CLDN16: variants seen among roughly 807,000 people sequenced by gnomAD.
CLDN16 encodes the protein claudin 16, also known as claudin-16.
Under a neutral mutation model 24.6 loss-of-function variants are expected in CLDN16, and 13 were observed. The ratio of observed to expected loss-of-function variants is 0.53; its 90% CI spans 0.34 to 0.84. CLDN16 has a LOEUF of 0.84. CLDN16 is among the 40% of genes least tolerant of loss of function. The pLI is 0.01. For synonymous variants in CLDN16, 116 were observed against 106.7 expected, an observed-to-expected ratio of 1.09 and a Z score of -0.54; for missense variants, 298 against 292.7, an observed-to-expected ratio of 1.02 and a Z score of -0.13.
intron 1 of CLDN16, among the ~76,000 whole-genome samples, chr3:190,353,465 A>ACC (rs924846467): frequency 1.3e-5 from 2 of 152,148 alleles, no homozygotes; most frequent in Admixed American, 1.3e-4. Context: ...TAAAGCATGT[A>ACC]CCCCAGGAAT....
intron 1 of CLDN16, among the ~76,000 whole-genome samples, chr3:190,345,371 C>A (rs984081676): frequency 7.2e-5 from 11 of 152,180 alleles, no homozygotes; most frequent in African/African-American, 2.7e-4. Flanking sequence ...CTTCTCCTCC[C>A]TTAGTTACAC....
At chr3:190,338,837 C>A (rs1717367382) in intron 1 of CLDN16, among the ~76,000 whole-genome samples, 1 of 152,186 alleles carries the variant, frequency 6.6e-6, no homozygotes, top group Non-Finnish European at 1.5e-5. Context: ...GTGTGAGTGG[C>A]AGACTTGGAA....
upstream of CLDN16, among the ~76,000 whole-genome samples, chr3:190,385,217 AG>A (rs1718467735): frequency 6.6e-6 from 1 of 152,184 alleles, no homozygotes; most frequent in South Asian, 2.1e-4. Context: ...GTTGAAGCCT[AG>A]GGAGGGTCAG....
At chr3:190,341,331 A>G (rs1717428386) in intron 1 of CLDN16, among the ~76,000 whole-genome samples, 1 of 152,204 alleles carries the variant, frequency 6.6e-6, no homozygotes, top group Non-Finnish European at 1.5e-5. Context: ...TCTGAAATCT[A>G]GGCAGAGGCT....
intron 1 of CLDN16, among the ~76,000 whole-genome samples, chr3:190,390,551 G>A (rs1577422689): frequency 6.6e-6 from 1 of 152,062 alleles, no homozygotes; most frequent in East Asian, 1.9e-4. Flanking sequence ...AGAAGAAGAA[G>A]AAGAACCCTG....
intron 1 of CLDN16, among the ~76,000 whole-genome samples, chr3:190,368,445 T>C (rs1349024725): frequency 1.3e-5 from 2 of 151,950 alleles, no homozygotes; most frequent in African/African-American, 4.8e-5. Context: ...ACATGATCCA[T>C]AGAAAGAAAT....
At chr3:190,394,127 A>G (rs1718755963) in intron 1 of CLDN16, among the ~76,000 whole-genome samples, 1 of 152,192 alleles carries the variant, frequency 6.6e-6, no homozygotes, top group African/African-American at 2.4e-5. Context: ...TCAAATAGTG[A>G]AGGTTATTTA....
At chr3:190,398,148 GAGA>G (rs1260943674) in intron 1 of CLDN16, among the ~76,000 whole-genome samples, 1 of 152,196 alleles carries the variant, frequency 6.6e-6, no homozygotes, top group African/African-American at 2.4e-5. Flanking sequence ...AGTCAGCTTT[GAGA>G]AGATCTGTTT....
At chr3:190,399,317 A>T (rs1436436794) in intron 1 of CLDN16, among the ~76,000 whole-genome samples, 1 of 150,896 alleles carries the variant, frequency 6.6e-6, no homozygotes, top group East Asian at 2.0e-4. Context: ...CAGCCTGACC[A>T]ACATGGGGAA....
rs1560091466 is a variant in CLDN16, at chr3:190,380,144, T to TCCTTCCTTCCTTC, written n.306+5542_306+5543insCTTCCTTCCTTCC. On this transcript the variant is annotated intron_variant and non_coding_transcript_variant, in intron 3 of 4. Coordinates refer to the CLDN16 transcript ENST00000468220. Reference sequence around the variant, plus strand: ...CCTTCCTTTCTTCCTTCCTTCCTTTTCTTCCTTCCCTCCCTTCCTTCCTTC... The same window carrying TCCTTCCTTCCTTC: ...CCTTCCTTTCTTCCTTCCTTCCTTTTCCTTCCTTCCTTCCTTCCTTCCCTCCCTTCCTTCCTTC... Among the ~76,000 whole-genome samples the TCCTTCCTTCCTTC allele has an allele frequency of 5.5e-3, 68 of 12,292 alleles. 9 individuals carry two copies. Among genetic ancestry groups the TCCTTCCTTCCTTC allele is most frequent in the Admixed American group, 0.011 (11 of 1,024 alleles). The allele number at this position is 12,292 out of a possible 152,430, so 8.1% of individuals were successfully genotyped here.
At chr3:190,311,522 T>C in the CLDN16 span, among the ~76,000 whole-genome samples, 1 of 152,228 alleles carries the variant, frequency 6.6e-6, no homozygotes, top group South Asian at 2.1e-4. Context: ...ACAAGTCTTC[T>C]GTCAAAAAGA....
intron 1 of CLDN16, among the ~76,000 whole-genome samples, chr3:190,357,882 A>G (rs1717810622): frequency 6.6e-6 from 1 of 151,880 alleles, no homozygotes; most frequent in Non-Finnish European, 1.5e-5. Flanking sequence ...TCCTTGTTAC[A>G]CGTTAATTTA....
At chr3:190,291,968 C>T in the CLDN16 span, among the ~76,000 whole-genome samples, 1 of 152,168 alleles carries the variant, frequency 6.6e-6, no homozygotes, top group Non-Finnish European at 1.5e-5. Context: ...CCTTCATGGG[C>T]TGGTATTGAG....
At chr3:190,353,842 G>A (rs1404689664) in intron 1 of CLDN16, among the ~76,000 whole-genome samples, 4 of 152,032 alleles carry the variant, frequency 2.6e-5, no homozygotes, top group African/African-American at 9.7e-5. Context: ...CATGGTTTCT[G>A]TACTAGTTTC....
chr3:190,345,359 G>C (rs1717528094), intron 1 of CLDN16, among the ~76,000 whole-genome samples: 1 of 152,076 alleles, frequency 6.6e-6, no homozygotes, highest in South Asian at 2.1e-4. Flanking sequence ...TCAGGAATTT[G>C]ACTTCTCCTC....
At chr3:190,392,721 A>G (rs1718711918) in intron 1 of CLDN16, among the ~76,000 whole-genome samples, 1 of 152,220 alleles carries the variant, frequency 6.6e-6, no homozygotes, top group East Asian at 1.9e-4. Flanking sequence ...AGGAAATGGC[A>G]GGAACTGAGG....
intron 3 of CLDN16, among the ~76,000 whole-genome samples, chr3:190,407,442 A>G (rs1245158223): frequency 6.6e-6 from 1 of 152,178 alleles, no homozygotes; most frequent in Non-Finnish European, 1.5e-5. Flanking sequence ...TAGACAACAT[A>G]TAGATTACTG....
rs1035424989 is a variant in CLDN16, at chr3:190,410,949, G to C, written c.*913G>C. On this transcript the variant is annotated 3_prime_UTR_variant, in exon 5 of 5. Coordinates refer to ENST00000264734, the MANE Select transcript of CLDN16 (RefSeq NM_006580.4). ...TATATTTTGATATAAATAAATAAAC[G>C]TTCACGACTTTACTTAAAAAATCAA... 6.6e-6 allele frequency: 1 copy of C among 152,068 alleles called. No homozygotes were observed. Among genetic ancestry groups the C allele is most frequent in the Non-Finnish European group, 1.5e-5 (1 of 68,024 alleles). The allele number at this position is 152,068 out of a possible 1,614,324, so 9.4% of individuals were successfully genotyped here. A position where few individuals can be genotyped will look rare whatever the true frequency, so the allele number is the denominator to read the frequency against.
intron 3 of CLDN16, among the ~76,000 whole-genome samples, chr3:190,377,270 T>C (rs1718266046): frequency 1.3e-5 from 2 of 152,104 alleles, no homozygotes; most frequent in East Asian, 1.9e-4. Context: ...TTTAAAAAGA[T>C]AGGAATGTGG....
Sources: gnomAD v4.1 joint callset for allele counts (sites outside exome capture counted in the v4.1 genomes callset) on GRCh38, gnomAD v4.1.1 for gene constraint, MANE v1.5 for transcripts, NCBI Gene and HGNC (gene_info 2026-07-23, HGNC 2026-07-21) for gene names.